ADGRB2: variants seen among roughly 807,000 people sequenced by gnomAD.
ADGRB2 encodes the protein adhesion G protein-coupled receptor B2.
A neutral mutation model predicts 178.7 loss-of-function variants in ADGRB2; 47 were observed. The ratio of observed to expected loss-of-function variants is 0.26; its 90% CI spans 0.21 to 0.34. The LOEUF (loss-of-function observed/expected upper bound fraction) is 0.34, where lower values mean the gene tolerates loss of function less well. Among genes scored for constraint, ADGRB2 ranks in the 10% least tolerant of loss-of-function variants. ADGRB2 has a pLI of 1.00. For missense variants in ADGRB2, 1,584 were observed against 2,180.8 expected (o/e 0.73, Z 5.45); for synonymous variants, 870 against 912.4 (o/e 0.95, Z 0.84).
Position 31,759,250 on chromosome 1 carries a change from C to A in ADGRB2, c.-190-1739G>T, listed in dbSNP as rs1356954829. ...ACACACTCAGGAGTTAACACGCACA[C>A]ACAGGGGTGTAGAGGCTTACACTTG... is the stretch of plus-strand genomic sequence containing the variant. On this transcript the variant is annotated intron_variant, in intron 1 of 32. Transcript: ENST00000373658. The surrounding 1 kb of genome is among the most constrained non-coding windows in gnomAD (Gnocchi z 4.3). 2.6e-6 allele frequency: 2 copies of A among 774,684 alleles called. No individual in the cohort carries two copies. The highest frequency in any genetic ancestry group is 2.4e-5 in the East Asian group (1 of 41,154). 48.0% of individuals were successfully genotyped at this position (774,684 alleles called of 1,614,324 possible).
rs952946701 is a variant in ADGRB2, at chr1:31,755,289, G to A, written c.838+710C>T. On this transcript the variant is annotated intron_variant, in intron 4 of 32. Transcript: ENST00000373658. The surrounding 1 kb of genome is among the most constrained non-coding windows in gnomAD (Gnocchi z 5.1). ...TGGCTGAGGGAGCTGGGGTGGGAGC[G>A]GGAGCAGGCAGGACTCAAGGGCTCG... is the stretch of plus-strand genomic sequence containing the variant. Among the ~76,000 whole-genome samples the A allele has an allele frequency of 6.6e-6, 1 of 152,302 alleles. No individual in the cohort carries two copies. The highest frequency in any genetic ancestry group is 3.4e-3 in the Middle Eastern group (1 of 294).
chr1:31,736,801 G>T, intron 20 of ADGRB2, 78 bp from the exon 21 acceptor site: 1 of 1,519,762 alleles, frequency 6.6e-7, no homozygotes, highest in Non-Finnish European at 8.8e-7. Context: ...CACGCCCGCT[G>T]CTGGGCGCTG....
At position 31,744,566 on chromosome 1, in the gene ADGRB2, C is replaced by G; in HGVS notation, c.922+82G>C. On this transcript the variant is annotated intron_variant, in intron 5 of 32. Coordinates refer to ENST00000373658, the MANE Select transcript of ADGRB2 (RefSeq NM_001364857.2). The surrounding 1 kb of genome is among the most constrained non-coding windows in gnomAD (Gnocchi z 6.7). ...GACTGAACTGCAGGACAGAGACAGACAGGCACACACCAAGCACACACACCA... is the reference window on the plus strand; with the variant it reads ...GACTGAACTGCAGGACAGAGACAGAGAGGCACACACCAAGCACACACACCA... 2 of 1,528,274 alleles carry G rather than the reference C, an allele frequency of 1.3e-6. No homozygotes were observed. Among genetic ancestry groups the G allele is most frequent in the South Asian group, 2.3e-5 (2 of 85,892 alleles). The allele number at this position is 1,528,274 out of a possible 1,614,324, so 94.7% of individuals were successfully genotyped here. A position where few individuals can be genotyped will look rare whatever the true frequency, so the allele number is the denominator to read the frequency against.
Position 31,744,377 on chromosome 1 carries a change from TC to T in ADGRB2, c.923-21del. 7.8e-6 allele frequency: 12 copies of T among 1,547,748 alleles called. No individual in the cohort carries two copies. Among genetic ancestry groups the T allele is most frequent in the Non-Finnish European group, 1.0e-5 (12 of 1,146,270 alleles). On this transcript the variant is annotated intron_variant, in intron 5 of 32. Transcript: ENST00000373658. The surrounding 1 kb of genome is among the most constrained non-coding windows in gnomAD (Gnocchi z 6.7). ...GGTCGCCTACGAGAGAGGGACAGCG[TC>T]GGCGGCAGGGGGCACCTCCCAAGCA...
At position 31,732,099 on chromosome 1, in the gene ADGRB2, G is replaced by T; in HGVS notation, c.3760+16C>A. 1 of 1,613,954 alleles carries T rather than the reference G, an allele frequency of 6.2e-7. No individual in the cohort carries two copies. The highest frequency in any genetic ancestry group is 8.5e-7 in the Non-Finnish European group (1 of 1,179,938). On this transcript the variant is annotated intron_variant, in intron 28 of 32. Coordinates refer to ENST00000373658, the MANE Select transcript of ADGRB2 (RefSeq NM_001364857.2). ...CAACCCCAGGACCATTCTCAGTTCTGCCACGGCACACTCACCTGTTTGACA... is the reference window on the plus strand; with the variant it reads ...CAACCCCAGGACCATTCTCAGTTCTTCCACGGCACACTCACCTGTTTGACA...
chr1:31,756,611 T>G lies in ADGRB2; in HGVS notation c.226A>C (p.Lys76Gln). The G allele has an allele frequency of 6.2e-7, 1 of 1,606,878 alleles. No homozygotes were observed. The highest frequency in any genetic ancestry group is 8.5e-7 in the Non-Finnish European group (1 of 1,175,890). ...TTGAAGCGCAGGTAGAGGGAGTACT[T>G]GGTGGGGTCAGGGTTCTCCAGGGTC... ...SWTLENPDPT[K>Q]YSLYLRFNRQ... The change falls in exon 4 of 33, where the codon AAG becomes CAG. Residue 76 changes from lysine to glutamine, a missense_variant. Physicochemically the swap from Lys to Gln is moderately conservative, Grantham distance 53 (BLOSUM62 1). Transcript: ENST00000373658. This position sits in a 1 kb window ranked among gnomAD's most constrained non-coding sequence, Gnocchi z 8.5.
chr1:31,749,733 GAA>G (rs1318887157), intron 4 of ADGRB2, among the ~76,000 whole-genome samples: 1 of 152,210 alleles, frequency 6.6e-6, no homozygotes, highest in African/African-American at 2.4e-5. Context: ...GAAACATGGT[GAA>G]ACCCCGTCTC....
Position 31,735,958 on chromosome 1 carries a change from T to C in ADGRB2, c.3201-65A>G. The C allele has an allele frequency of 6.8e-7, 1 of 1,459,856 alleles. No homozygotes were observed. The highest frequency in any genetic ancestry group is 9.3e-7 in the Non-Finnish European group (1 of 1,077,746). 90.4% of individuals were successfully genotyped at this position (1,459,856 alleles called of 1,614,324 possible). A position where few individuals can be genotyped will look rare whatever the true frequency, so the allele number is the denominator to read the frequency against. On this transcript the variant is annotated intron_variant, in intron 22 of 32. Coordinates refer to ENST00000373658, the MANE Select transcript of ADGRB2 (RefSeq NM_001364857.2). The surrounding 1 kb of genome is among the most constrained non-coding windows in gnomAD (Gnocchi z 6.0). ...CCTCCCTCCCCACCCTCAAACACCA[T>C]CCCTCAGTCCTCCCAGGCTGCCATG...
intron 25 of ADGRB2, among the ~76,000 whole-genome samples, chr1:31,734,739 A>C (rs1352779747): frequency 6.6e-6 from 1 of 152,236 alleles, no homozygotes; most frequent in Non-Finnish European, 1.5e-5. Flanking sequence ...TGAAATGCTA[A>C]GTCTCAGATT....
rs1422271643 is a variant in ADGRB2, at chr1:31,740,692, CAG to C, written c.1795-153_1795-152del. ...GGCTCAAAGGGGCACACAGGGGAGA[CAG>C]AGTCCGAGAAAGAGACTCATAGAGA... On this transcript the variant is annotated intron_variant, in intron 11 of 32. Coordinates refer to ENST00000373658, the MANE Select transcript of ADGRB2 (RefSeq NM_001364857.2). The surrounding 1 kb of genome is among the most constrained non-coding windows in gnomAD (Gnocchi z 5.9). 1.3e-6 allele frequency: 1 copy of C among 775,268 alleles called. No individual in the cohort carries two copies. Among genetic ancestry groups the C allele is most frequent in the East Asian group, 2.8e-5 (1 of 35,306 alleles). 48.0% of individuals were successfully genotyped at this position (775,268 alleles called of 1,614,324 possible).
In ADGRB2 at chr1:31,735,240, G is replaced by A; in HGVS notation, c.3395C>T (p.Ser1132Leu). The change falls in exon 25 of 33, where the codon TCA (serine) becomes TTA (leucine). Residue 1132 changes from serine (S) to leucine (L), a missense_variant. By Grantham distance (145) the Ser-to-Leu change is moderately radical (BLOSUM62 -2). Coordinates refer to ENST00000373658, the MANE Select transcript of ADGRB2 (RefSeq NM_001364857.2). This position sits in a 1 kb window ranked among gnomAD's most constrained non-coding sequence, Gnocchi z 6.0. ...CPWASLLLPC[S>L]ACGAVPSPLL... ...GGGGCTGGGGACCGCTCCACACGCTGAGCAGGGGAGGAGCAGGCTGGCCCA... is the reference window on the plus strand; with the variant it reads ...GGGGCTGGGGACCGCTCCACACGCTAAGCAGGGGAGGAGCAGGCTGGCCCA... The A allele has an allele frequency of 6.8e-7, 1 of 1,468,000 alleles. No individual in the cohort carries two copies. The highest frequency in any genetic ancestry group is 9.1e-7 in the Non-Finnish European group (1 of 1,103,234). 90.9% of individuals were successfully genotyped at this position (1,468,000 alleles called of 1,614,324 possible). A position where few individuals can be genotyped will look rare whatever the true frequency, so the allele number is the denominator to read the frequency against.
chr1:31,757,070 C>A, intron 3 of ADGRB2, 131 bp downstream of exon 3: 1 of 1,480,630 alleles, frequency 6.8e-7, no homozygotes, highest in Non-Finnish European at 9.4e-7. Flanking sequence ...GGAAAGGACT[C>A]GCGAGAGTGC....
chr1:31,738,074 T>A, intron 18 of ADGRB2, 126 bp downstream of exon 18: 1 of 1,390,376 alleles, frequency 7.2e-7, no homozygotes, highest in South Asian at 1.4e-5. Flanking sequence ...CCACGTACAA[T>A]CCCACAAGCG....
In ADGRB2 at chr1:31,735,969, TC is replaced by T. The variant is rs1645586131; in HGVS notation, c.3201-77del. ...ACCCTCAAACACCATCCCTCAGTCCTCCCAGGCTGCCATGCCCGCATCACCA... is the reference window on the plus strand; with the variant it reads ...ACCCTCAAACACCATCCCTCAGTCCTCCAGGCTGCCATGCCCGCATCACCA... On this transcript the variant is annotated intron_variant, in intron 22 of 32. Transcript: ENST00000373658. The surrounding 1 kb of genome is among the most constrained non-coding windows in gnomAD (Gnocchi z 6.0). 1.4e-6 allele frequency: 2 copies of T among 1,426,424 alleles called. No individual in the cohort carries two copies. Among genetic ancestry groups the T allele is most frequent in the African/African-American group, 1.4e-5 (1 of 70,388 alleles). The allele number at this position is 1,426,424 out of a possible 1,614,324, so 88.4% of individuals were successfully genotyped here.
In ADGRB2 at chr1:31,728,582, C is replaced by T. The variant is rs1645116963; in HGVS notation, c.4416+16G>A. On this transcript the variant is annotated intron_variant, in intron 30 of 32. Coordinates refer to ENST00000373658, the MANE Select transcript of ADGRB2 (RefSeq NM_001364857.2). This position sits in a 1 kb window ranked among gnomAD's most constrained non-coding sequence, Gnocchi z 6.7. ...CAGCCAGATGTCCCACCGCCCAGCA[C>T]ACACATGGCCCTTACCTCAAAGTCC... 1.2e-6 allele frequency: 2 copies of T among 1,613,830 alleles called. No individual in the cohort carries two copies. Among genetic ancestry groups the T allele is most frequent in the East Asian group, 4.5e-5 (2 of 44,870 alleles).
At chr1:31,736,266 C>G in intron 22 of ADGRB2, 55 bp downstream of exon 22, 3 of 1,591,320 alleles carry the variant, frequency 1.9e-6, no homozygotes, top group Non-Finnish European at 2.6e-6. Flanking sequence ...CTGCCCAGTC[C>G]GATTCCCTAA....
At position 31,731,379 on chromosome 1, in the gene ADGRB2, G is replaced by T. The variant is rs1645274310; in HGVS notation, c.3801C>A (p.Ile1267=). 6.2e-7 allele frequency: 1 copy of T among 1,610,880 alleles called. No individual in the cohort carries two copies. Among genetic ancestry groups the T allele is most frequent in the Non-Finnish European group, 8.5e-7 (1 of 1,178,820 alleles). Residue 1267 remains isoleucine, a synonymous_variant, in exon 29 of 33, where the codon ATC becomes ATA. Coordinates refer to ENST00000373658, the MANE Select transcript of ADGRB2 (RefSeq NM_001364857.2). ...GGGACAGGCGGGATAGTGTGCCCGTGATGGTGGACGGGTTGCAAGTGTTGA... is the reference window on the plus strand; with the variant it reads ...GGGACAGGCGGGATAGTGTGCCCGTTATGGTGGACGGGTTGCAAGTGTTGA... ...KEVNTCNPST[I]TGTLSRLSLD...
chr1:31,741,283 G>T lies in ADGRB2; in HGVS notation c.1794+90C>A. On this transcript the variant is annotated intron_variant, in intron 11 of 32. Coordinates refer to ENST00000373658, the MANE Select transcript of ADGRB2 (RefSeq NM_001364857.2). The surrounding 1 kb of genome is among the most constrained non-coding windows in gnomAD (Gnocchi z 6.5). ...GTGGGCACAGCATATGCCAAGGCAC[G>T]TGGGAACGAGCGAGAATCACGCTCC... 1 of 1,354,070 alleles carries T rather than the reference G, an allele frequency of 7.4e-7. No individual in the cohort carries two copies. Among genetic ancestry groups the T allele is most frequent in the Non-Finnish European group, 1.0e-6 (1 of 980,132 alleles). 83.9% of individuals were successfully genotyped at this position (1,354,070 alleles called of 1,614,324 possible). A position where few individuals can be genotyped will look rare whatever the true frequency, so the allele number is the denominator to read the frequency against.
rs1298613961 is a variant in ADGRB2, at chr1:31,727,973, G to C, written c.4572+52C>G. 6.6e-7 allele frequency: 1 copy of C among 1,516,292 alleles called. No individual in the cohort carries two copies. Among genetic ancestry groups the C allele is most frequent in the South Asian group, 1.2e-5 (1 of 80,946 alleles). The allele number at this position is 1,516,292 out of a possible 1,614,324, so 93.9% of individuals were successfully genotyped here. A position where few individuals can be genotyped will look rare whatever the true frequency, so the allele number is the denominator to read the frequency against. ...CCTGGGAGGGGCAGGAGGGCAGGGA[G>C]GGCACGGGTCCCTCAGGCCCACCTC... On this transcript the variant is annotated intron_variant, in intron 32 of 32. Transcript: ENST00000373658. The surrounding 1 kb of genome is among the most constrained non-coding windows in gnomAD (Gnocchi z 4.4).
Sources: gnomAD v4.1 joint callset for allele counts (sites outside exome capture counted in the v4.1 genomes callset) on GRCh38, gnomAD v4.1.1 for gene constraint, Gnocchi (gnomAD v3.1) non-coding constraint, MANE v1.5 for transcripts, NCBI Gene and HGNC (gene_info 2026-07-23, HGNC 2026-07-21) for gene names.